CSF2RB: variants seen among roughly 807,000 people sequenced by gnomAD.
CSF2RB encodes the protein cytokine receptor common subunit beta.
A neutral mutation model predicts 67.2 loss-of-function variants in CSF2RB; 22 were observed. The ratio of observed to expected loss-of-function variants is 0.33; its 90% CI spans 0.23 to 0.47. The LOEUF is 0.47. Ranked by LOEUF, CSF2RB falls within the 20% of genes least tolerant of loss-of-function variation. CSF2RB has a pLI of 1.00. For missense variants in CSF2RB, 1,113 were observed against 1,174.5 expected, an observed-to-expected ratio of 0.95 and a Z score of 0.76; for synonymous variants, 507 against 482.9, an observed-to-expected ratio of 1.05 and a Z score of -0.65.
Position 36,929,438 on chromosome 22 carries a change from C to A in CSF2RB, c.428C>A (p.Thr143Asn). 6.2e-7 allele frequency: 1 copy of A among 1,614,196 alleles called. No homozygotes were observed. The change falls in exon 5 of 14, where the codon ACC becomes AAC. Residue 143 changes from threonine (T) to asparagine (N), a missense_variant. Around this residue, in one of 2 missense-constraint regions of CSF2RB, gnomAD observed 559 missense variants for 656.5 expected, o/e 0.85. Coordinates refer to ENST00000403662, the MANE Select transcript of CSF2RB (RefSeq NM_000395.3). Reference protein sequence around the residue: ...PPEPRDLQISTDQDHFLLTWS... With the variant: ...PPEPRDLQISNDQDHFLLTWS... ...GAGCCCAGGGACCTGCAGATCAGCACCGACCAGGACCACTTCCTGCTGACC... is the reference window on the plus strand; with the variant it reads ...GAGCCCAGGGACCTGCAGATCAGCAACGACCAGGACCACTTCCTGCTGACC...
intron 1 of CSF2RB, among the ~76,000 whole-genome samples, chr22:36,916,992 T>A (rs1333840092): frequency 6.6e-6 from 1 of 152,218 alleles, no homozygotes. Flanking sequence ...GAGAGCCTCC[T>A]GTGTGAGGCT....
intron 1 of CSF2RB, among the ~76,000 whole-genome samples, chr22:36,917,274 T>C (rs146271422): frequency 6.6e-6 from 1 of 152,332 alleles, no homozygotes; most frequent in East Asian, 1.9e-4. Context: ...ACCCTCTACT[T>C]GGCCATGATG....
Position 36,923,112 on chromosome 22 carries a change from T to C in CSF2RB, c.77-132T>C, listed in dbSNP as rs926972224. 101 of 1,360,618 alleles carry C rather than the reference T, an allele frequency of 7.4e-5. No homozygotes were observed. The Admixed American group carries it at 1.7e-3, about 23-fold the overall frequency. The allele number at this position is 1,360,618 out of a possible 1,614,324, so 84.3% of individuals were successfully genotyped here. ...AGACATGAACACATGTACATGTGCCTGGCCACCTGGTGCCTCTGCAGGGAC... is the reference window on the plus strand; with the variant it reads ...AGACATGAACACATGTACATGTGCCCGGCCACCTGGTGCCTCTGCAGGGAC... On this transcript the variant is annotated intron_variant, in intron 2 of 13. Coordinates refer to ENST00000403662, the MANE Select transcript of CSF2RB (RefSeq NM_000395.3).
Position 36,939,349 on chromosome 22 carries a change from A to G in CSF2RB, c.*847A>G. ...GTCTACTGCGGAAAAGTCAGGGGAA[A>G]CTGCCAAACAAAGGAAAATGCCCCA... On this transcript the variant is annotated 3_prime_UTR_variant, in exon 14 of 14. Coordinates refer to ENST00000403662, the MANE Select transcript of CSF2RB (RefSeq NM_000395.3). 1.5e-6 allele frequency: 1 copy of G among 688,406 alleles called. No homozygotes were observed. The highest frequency in any genetic ancestry group is 2.7e-5 in the East Asian group (1 of 37,086). 42.6% of individuals were successfully genotyped at this position (688,406 alleles called of 1,614,324 possible). A position where few individuals can be genotyped will look rare whatever the true frequency, so the allele number is the denominator to read the frequency against.
At chr22:36,921,077 T>A (rs948365022) in intron 1 of CSF2RB, among the ~76,000 whole-genome samples, 1 of 150,662 alleles carries the variant, frequency 6.6e-6, no homozygotes, top group African/African-American at 2.4e-5. Flanking sequence ...TATGTGTGTG[T>A]GTGTTGTGCA....
chr22:36,925,386 C>G (rs1879749124), intron 3 of CSF2RB, among the ~76,000 whole-genome samples: 1 of 152,198 alleles, frequency 6.6e-6, no homozygotes, highest in South Asian at 2.1e-4. Flanking sequence ...CTATTCGCAA[C>G]CGAGGACCCT....
At position 36,929,762 on chromosome 22, in the gene CSF2RB, C is replaced by A. The variant is rs145546133; in HGVS notation, c.673C>A (p.Arg225Ser). The stretch of plus-strand genomic sequence containing the variant: ...GGCCCCAGGTTCTCGGCTCTCAGGA[C>A]GTCCCAGCAAGTGGAGCCCAGAGGT... Reference protein sequence around the residue: ...RLAPGSRLSGRPSKWSPEVCW... With the variant: ...RLAPGSRLSGSPSKWSPEVCW... The change falls in exon 6 of 14, where the codon CGT (arginine) becomes AGT (serine). Residue 225 changes from arginine to serine, a missense_variant. By Grantham distance (110) the Arg-to-Ser change is moderately radical. Transcript: ENST00000403662. 1 of 1,614,108 alleles carries A rather than the reference C, an allele frequency of 6.2e-7. No individual in the cohort carries two copies. Among genetic ancestry groups the A allele is most frequent in the Non-Finnish European group, 8.5e-7 (1 of 1,180,006 alleles).
rs1256919949 is a variant in CSF2RB, at chr22:36,937,717, G to A, written c.1909G>A (p.Val637Met). 2.6e-6 allele frequency: 4 copies of A among 1,556,852 alleles called. No homozygotes were observed. The highest frequency in any genetic ancestry group is 3.5e-6 in the Non-Finnish European group (4 of 1,150,116). Residue 637 changes from valine to methionine, a missense_variant, in exon 14 of 14, where the codon GTG becomes ATG. Coordinates refer to ENST00000403662, the MANE Select transcript of CSF2RB (RefSeq NM_000395.3). The surrounding 1 kb of genome is among the most constrained non-coding windows in gnomAD (Gnocchi z 4.6). ...EYLCLPAGGQVQLVPLAQAMG... is the reference protein window; with the variant it reads ...EYLCLPAGGQMQLVPLAQAMG... Reference sequence around the variant, plus strand: ...CCTGTGTCTGCCTGCTGGGGGGCAGGTGCAACTGGTCCCTCTGGCCCAGGC... The same window carrying A: ...CCTGTGTCTGCCTGCTGGGGGGCAGATGCAACTGGTCCCTCTGGCCCAGGC...
chr22:36,929,362 C>T (rs759047033), intron 4 of CSF2RB, 40 bp from the exon 5 acceptor site: 22 of 1,613,862 alleles, frequency 1.4e-5, no homozygotes, highest in East Asian at 2.2e-5. Context: ...TGCCCCCCAG[C>T]GGTCCAGCCC....
Position 36,929,493 on chromosome 22 carries a change from C to T in CSF2RB, c.483C>T (p.Ser161=), listed in dbSNP as rs547060760. The change falls in exon 5 of 14, where the codon AGC becomes AGT. Residue 161 remains serine (S), a synonymous_variant. Coordinates refer to ENST00000403662, the MANE Select transcript of CSF2RB (RefSeq NM_000395.3). ...GTGTGGCCCTTGGGAGTCCCCAGAG[C>T]CACTGGTTGTCCCCAGGGGATCTGG... ...TWSVALGSPQ[S]HWLSPGDLEF... is the part of the protein sequence containing the mutation. 2 of 1,614,238 alleles carry T rather than the reference C, an allele frequency of 1.2e-6. No homozygotes were observed. The highest frequency in any genetic ancestry group is 2.2e-5 in the South Asian group (2 of 91,090).
At chr22:36,922,426 G>A (rs1395951701) in intron 2 of CSF2RB, 143 bp downstream of exon 2, 13 of 751,658 alleles carry the variant, frequency 1.7e-5, no homozygotes, top group Non-Finnish European at 2.7e-5. Context: ...GGCCTTCCCT[G>A]GGCCTCCCCC....
chr22:36,938,040 A>T lies in CSF2RB; in HGVS notation c.2232A>T (p.Leu744Phe), dbSNP rs1417410121. 1 of 1,613,940 alleles carries T rather than the reference A, an allele frequency of 6.2e-7. No homozygotes were observed. Among genetic ancestry groups the T allele is most frequent in the African/African-American group, 1.3e-5 (1 of 74,988 alleles). The change falls in exon 14 of 14, where the codon TTA becomes TTT. Residue 744 changes from leucine to phenylalanine, a missense_variant. Leu to Phe is a conservative substitution (Grantham distance 22). Transcript: ENST00000403662. The stretch of plus-strand genomic sequence containing the variant: ...TCCCCTCAGACCAGACCCCCAGCTT[A>T]TGTCCTGGGCTGGCCAGTGGACCCC... Reference protein sequence around the residue: ...LGLPSDQTPSLCPGLASGPPG... With the variant: ...LGLPSDQTPSFCPGLASGPPG...
chr22:36,935,837 A>T, intron 12 of CSF2RB, 150 bp downstream of exon 12: 1 of 881,576 alleles, frequency 1.1e-6, no homozygotes, highest in Non-Finnish European at 1.8e-6. Context: ...TGGGGCCAGC[A>T]CTTGGAAATT....
In CSF2RB at chr22:36,938,544, C is replaced by T; in HGVS notation, c.*42C>T. On this transcript the variant is annotated 3_prime_UTR_variant, in exon 14 of 14. Transcript: ENST00000403662. ...CAGGCAAGGGGATGGAGAGGGCTTG[C>T]CTTCCCTCCCGCCTGACCTTCCTCA... The T allele has an allele frequency of 6.4e-7, 1 of 1,570,826 alleles. No individual in the cohort carries two copies. Among genetic ancestry groups the T allele is most frequent in the Admixed American group, 1.8e-5 (1 of 54,362 alleles).
chr22:36,930,836 T>C lies in CSF2RB; in HGVS notation c.1012+6T>C. The C allele has an allele frequency of 6.2e-7, 1 of 1,614,032 alleles. No homozygotes were observed. The highest frequency in any genetic ancestry group is 1.3e-5 in the African/African-American group (1 of 75,022). On this transcript the variant is annotated splice_donor_region_variant and intron_variant, in intron 8 of 13. Coordinates refer to ENST00000403662, the MANE Select transcript of CSF2RB (RefSeq NM_000395.3). ...CATAAAGAGCTCAGTGAACAGTGAG[T>C]TTGCTCCTAGCCCGCTGTGGGGATG... is the stretch of plus-strand genomic sequence containing the variant.
intron 12 of CSF2RB, 100 bp downstream of exon 12, chr22:36,935,787 G>A: frequency 7.7e-7 from 1 of 1,305,090 alleles, no homozygotes; most frequent in Middle Eastern, 1.8e-4. Context: ...GCTTTGGGTG[G>A]TAGGGATGTA....
At position 36,937,295 on chromosome 22, in the gene CSF2RB, C is replaced by T. The variant is rs1168968526; in HGVS notation, c.1569-82C>T. 6.5e-7 allele frequency: 1 copy of T among 1,540,970 alleles called. No individual in the cohort carries two copies. The highest frequency in any genetic ancestry group is 1.4e-5 in the African/African-American group (1 of 73,292). Reference sequence around the variant, plus strand: ...CATCAGGGCTTCCAGAGAACCATCTCCACCCCACCAAGACCCTTGTGCCTG... The same window carrying T: ...CATCAGGGCTTCCAGAGAACCATCTTCACCCCACCAAGACCCTTGTGCCTG... On this transcript the variant is annotated intron_variant, in intron 13 of 13. Transcript: ENST00000403662. The surrounding 1 kb of genome is among the most constrained non-coding windows in gnomAD (Gnocchi z 4.6).
intron 1 of CSF2RB, among the ~76,000 whole-genome samples, chr22:36,914,496 C>T (rs1214585955): frequency 1.3e-5 from 2 of 151,796 alleles, no homozygotes; most frequent in African/African-American, 4.8e-5. Context: ...GGTTGGGGCC[C>T]AGGTGTGTGT....
intron 10 of CSF2RB, among the ~76,000 whole-genome samples, chr22:36,934,849 G>A (rs188561068): frequency 1.5e-3 from 222 of 152,322 alleles, no homozygotes; most frequent in African/African-American, 4.5e-3. Context: ...GGACCAATGG[G>A]CCCAAGAGAG....
Sources: allele counts gnomAD v4.1 joint callset (sites outside exome capture counted in the v4.1 genomes callset), GRCh38; gene constraint gnomAD v4.1.1; regional missense constraint gnomAD v4.1.1; non-coding constraint Gnocchi (gnomAD v3.1); transcripts MANE v1.5; gene names NCBI Gene and HGNC (gene_info 2026-07-23, HGNC 2026-07-21).